The following MSRA variants were observed in gnomAD, a reference collection of about 807,000 sequenced individuals.
MSRA encodes methionine sulfoxide reductase A, also known as mitochondrial peptide methionine sulfoxide reductase.
In MSRA, 54 loss-of-function variants were observed where a neutral mutation model predicts 31.3. The observed-to-expected ratio is 1.73, with a 90% CI of 1.39 to 2.17. The LOEUF (loss-of-function observed/expected upper bound fraction) is 2.17. MSRA is among the 30% of genes most tolerant of loss of function. MSRA has a pLI of 0.00. For synonymous variants in MSRA, 169 were observed against 116.5 expected, an observed-to-expected ratio of 1.45 and a Z score of -2.90; for missense variants, 507 against 300.9, an observed-to-expected ratio of 1.69 and a Z score of -5.07.
chr8:10,344,574 C>CAAAAAA (rs56843505), intron 5 of MSRA, among the ~76,000 whole-genome samples: 1 of 64,608 alleles, frequency 1.5e-5, no homozygotes, highest in South Asian at 9.9e-4. Context: ...GACTCCGTCT[C>CAAAAAA]AAAAAAAAAA....
rs539911395 is a variant in MSRA at position 10,294,839 on chromosome 8, C to T, written c.332-6695C>T. ...CACAGCAGCACAGAGTCCAGGAACCCTGAGCACCGGGACCAGGGCCGGCTT... is the reference window on the plus strand; with the variant it reads ...CACAGCAGCACAGAGTCCAGGAACCTTGAGCACCGGGACCAGGGCCGGCTT... On this transcript the variant is annotated intron_variant, in intron 3 of 5. Transcript: ENST00000317173. Among the ~76,000 whole-genome samples the T allele has an allele frequency of 5.3e-5, 8 of 152,090 alleles. No individual in the cohort carries two copies. The East Asian group carries it at 1.6e-3, about 30-fold the overall frequency.
At chr8:10,186,649 C>T (rs1030926991) in intron 1 of MSRA, among the ~76,000 whole-genome samples, 1 of 152,142 alleles carries the variant, frequency 6.6e-6, no homozygotes, top group East Asian at 1.9e-4. Flanking sequence ...CTCCTGAAAG[C>T]GCATACAATT....
intron 2 of MSRA, among the ~76,000 whole-genome samples, chr8:10,209,309 G>C (rs1484944869): frequency 6.6e-6 from 1 of 152,052 alleles, no homozygotes; most frequent in Admixed American, 6.5e-5. Context: ...TCTCAGATTC[G>C]CCAACCCCAG....
chr8:10,114,565 G>A (rs1464438980), intron 1 of MSRA, among the ~76,000 whole-genome samples: 1 of 152,186 alleles, frequency 6.6e-6, no homozygotes, highest in Non-Finnish European at 1.5e-5. Flanking sequence ...CTCATTCCAA[G>A]TGTGTGCATA....
At chr8:10,241,285 A>AT (rs1812390716) in intron 2 of MSRA, among the ~76,000 whole-genome samples, 1 of 152,152 alleles carries the variant, frequency 6.6e-6, no homozygotes, top group African/African-American at 2.4e-5. Flanking sequence ...AGTCTGGGAC[A>AT]TCCTGTCAAA....
chr8:10,371,465 G>T (rs1376711338), intron 5 of MSRA, among the ~76,000 whole-genome samples: 1 of 152,128 alleles, frequency 6.6e-6, no homozygotes, highest in African/African-American at 2.4e-5. Context: ...CCACACTTTA[G>T]GGGTGACATA....
chr8:10,233,169 G>T (rs1585230835), intron 2 of MSRA, among the ~76,000 whole-genome samples: 1 of 152,142 alleles, frequency 6.6e-6, no homozygotes, highest in Non-Finnish European at 1.5e-5. Flanking sequence ...GGCCCTCTGG[G>T]TTTTACCTGT....
chr8:10,246,600 G>A (rs1184974498), intron 3 of MSRA, among the ~76,000 whole-genome samples: 1 of 152,218 alleles, frequency 6.6e-6, no homozygotes, highest in Non-Finnish European at 1.5e-5. Flanking sequence ...CATGAATGAT[G>A]GAGGGGAAAA....
chr8:10,298,274 A>G (rs4506212), intron 3 of MSRA, among the ~76,000 whole-genome samples: 110,996 of 152,088 alleles, frequency 0.73, 40,931 homozygotes, highest in African/African-American at 0.84. Context: ...TACACCCAAT[A>G]GAATATTATT....
intron 1 of MSRA, among the ~76,000 whole-genome samples, chr8:10,119,781 C>T (rs1218038458): frequency 6.6e-6 from 1 of 152,104 alleles, no homozygotes; most frequent in Non-Finnish European, 1.5e-5. Context: ...GGGGTTATCT[C>T]TCTGGTGTAC....
chr8:10,149,379 C>A (rs1163608261), intron 1 of MSRA, among the ~76,000 whole-genome samples: 1 of 152,182 alleles, frequency 6.6e-6, no homozygotes, highest in Non-Finnish European at 1.5e-5. Flanking sequence ...CCGCCTCGGC[C>A]TCCCAAAGTG....
intron 1 of MSRA, among the ~76,000 whole-genome samples, chr8:10,121,787 C>T (rs1801126341): frequency 6.6e-6 from 1 of 152,104 alleles, no homozygotes; most frequent in African/African-American, 2.4e-5. Flanking sequence ...CCTCCCACCT[C>T]AGCCTCCCAA....
chr8:10,332,581 A>G (rs1409762099), intron 5 of MSRA, among the ~76,000 whole-genome samples: 2 of 152,224 alleles, frequency 1.3e-5, no homozygotes, highest in Non-Finnish European at 1.5e-5. Flanking sequence ...ATATTTTAAA[A>G]GTGCCCATTT....
intron 5 of MSRA, among the ~76,000 whole-genome samples, chr8:10,323,491 A>C (rs1427587897): frequency 6.6e-6 from 1 of 152,188 alleles, no homozygotes; most frequent in Non-Finnish European, 1.5e-5. Flanking sequence ...GTGATGGTGA[A>C]GAGGCTTATC....
At position 10,300,124 on chromosome 8, in the gene MSRA, TTGTGTGTGTGTG is replaced by T. The variant is rs10682921; in HGVS notation, c.332-1395_332-1384del. On this transcript the variant is annotated intron_variant, in intron 3 of 5. Coordinates refer to ENST00000317173, the MANE Select transcript of MSRA (RefSeq NM_012331.5). ...CTGTAATGAATGCAGTGGAAGAAAT[TTGTGTGTGTGTG>T]TGTGTGTGTGTGTGCACGCGTGCAT... 2.2e-3 allele frequency among the ~76,000 whole-genome samples: 325 copies of T among 149,652 alleles called. 1 individual carries two copies. Among genetic ancestry groups the T allele is most frequent in the Non-Finnish European group, 3.7e-3 (249 of 67,144 alleles).
At chr8:10,204,912 A>C (rs923930331) in intron 1 of MSRA, among the ~76,000 whole-genome samples, 1 of 152,194 alleles carries the variant, frequency 6.6e-6, no homozygotes, top group African/African-American at 2.4e-5. Context: ...CTTGCAGTCT[A>C]CTGATAGATG....
intron 5 of MSRA, 22 bp downstream of exon 5, chr8:10,320,011 G>A: frequency 1.3e-6 from 2 of 1,554,920 alleles, no homozygotes; most frequent in Non-Finnish European, 1.8e-6. Flanking sequence ...TGGGCTCCTA[G>A]CCCCTGGCTT....
chr8:10,150,858 T>C (rs9329216), intron 1 of MSRA, among the ~76,000 whole-genome samples: 134,332 of 152,148 alleles, frequency 0.88, 59,669 homozygotes, highest in East Asian at 0.97. Context: ...TTTCTGCTGC[T>C]CTTGAACCTG....
At chr8:10,216,270 G>A (rs968772649) in intron 2 of MSRA, among the ~76,000 whole-genome samples, 1 of 152,138 alleles carries the variant, frequency 6.6e-6, no homozygotes, top group Non-Finnish European at 1.5e-5. Flanking sequence ...AAAAGAAAGT[G>A]AAATGAAATA....
Sources: allele counts gnomAD v4.1 joint callset (sites outside exome capture counted in the v4.1 genomes callset), GRCh38; gene constraint gnomAD v4.1.1; transcripts MANE v1.5; gene names NCBI Gene and HGNC (gene_info 2026-07-23, HGNC 2026-07-21).